MYH13: variants seen among roughly 807,000 people sequenced by gnomAD.
MYH13 encodes the protein myosin heavy chain 13, also known as myosin-13.
A neutral mutation model predicts 232.1 loss-of-function variants in MYH13; 177 were observed. The observed-to-expected ratio is 0.76, with a 90% confidence interval of 0.67 to 0.86. The LOEUF (loss-of-function observed/expected upper bound fraction) is 0.86. Ranked by LOEUF, MYH13 falls within the 40% of genes least tolerant of loss-of-function variation. The pLI, the probability that MYH13 is intolerant of heterozygous loss-of-function variation, is 0.00. For missense variants in MYH13, 2,246 were observed against 2,405.9 expected (o/e 0.93, Z 1.39); for synonymous variants, 884 against 923.5 (o/e 0.96, Z 0.78).
intron 18 of MYH13, among the ~76,000 whole-genome samples, chr17:10,338,068 TA>T (rs1412546931): frequency 2.0e-5 from 3 of 152,080 alleles, no homozygotes; most frequent in African/African-American, 7.2e-5. Context: ...GAAAAAAAAG[TA>T]AGCCAGTGGA....
At chr17:10,343,221 A>G (rs2071633357) in intron 16 of MYH13, among the ~76,000 whole-genome samples, 1 of 150,482 alleles carries the variant, frequency 6.6e-6, no homozygotes, top group Non-Finnish European at 1.5e-5. Flanking sequence ...TTTTTTTAAT[A>G]GAGTCTCACT....
rs754215488 is a variant in MYH13 at position 10,320,482 on chromosome 17, T to C, written c.3126A>G (p.Leu1042=). The change falls in exon 25 of 41, where the codon TTA becomes TTG. Residue 1042 remains leucine (L), a synonymous_variant. Coordinates refer to ENST00000252172, the MANE Select transcript of MYH13 (RefSeq NM_003802.3). The stretch of plus-strand genomic sequence containing the variant: ...CCGCCCGCAGTTTCTTCTCCTGCTC[T>C]AAGGAACCCTCAAGCTGAGAAGACA... The part of the protein sequence containing the change: ...EQQTDDLEGS[L]EQEKKLRADL... 2.3e-5 allele frequency: 37 copies of C among 1,612,922 alleles called. No homozygotes were observed. Among genetic ancestry groups the C allele is most frequent in the Non-Finnish European group, 3.1e-5 (37 of 1,179,526 alleles).
chr17:10,354,369 A>G (rs186100983), intron 11 of MYH13, among the ~76,000 whole-genome samples: 7 of 152,338 alleles, frequency 4.6e-5, no homozygotes, highest in African/African-American at 9.6e-5. Context: ...TTGCAACATG[A>G]AAACTTTCAA....
At chr17:10,346,001 A>AAC (rs1555551472) in intron 13 of MYH13, among the ~76,000 whole-genome samples, 1 of 142,748 alleles carries the variant, frequency 7.0e-6, no homozygotes, top group African/African-American at 2.7e-5. Flanking sequence ...CAAAAAAAAA[A>AAC]AAAAAAAAAA....
intron 39 of MYH13, 124 bp from the exon 40 acceptor site, chr17:10,301,827 G>C: frequency 7.7e-7 from 1 of 1,299,694 alleles, no homozygotes. Context: ...ATGGCAGAGA[G>C]GGCAGGGAAG....
intron 8 of MYH13, among the ~76,000 whole-genome samples, chr17:10,357,226 T>G (rs2071756230): frequency 6.6e-6 from 1 of 152,120 alleles, no homozygotes; most frequent in Non-Finnish European, 1.5e-5. Flanking sequence ...CCTCCCAAAG[T>G]GCTGGGATTA....
chr17:10,315,630 C>G, intron 29 of MYH13, 63 bp downstream of exon 29: 1 of 1,424,096 alleles, frequency 7.0e-7, no homozygotes, highest in Non-Finnish European at 9.7e-7. Context: ...CTCTGACCAG[C>G]TTCACGGGTG....
At chr17:10,312,164 A>C (rs575641668) in intron 31 of MYH13, 88 bp from the exon 32 acceptor site, 6 of 1,450,314 alleles carry the variant, frequency 4.1e-6, no homozygotes, top group Non-Finnish European at 5.7e-6. Flanking sequence ...AGTAACACCA[A>C]CGTTTTGCCC....
At position 10,304,620 on chromosome 17, in the gene MYH13, C is replaced by T. The variant is rs1906214989; in HGVS notation, c.5467-1122G>A. On this transcript the variant is annotated intron_variant, in intron 37 of 40. Transcript: ENST00000252172. This position sits in a 1 kb window ranked among gnomAD's most constrained non-coding sequence, Gnocchi z 5.3. The stretch of plus-strand genomic sequence containing the variant: ...ACCTGGGCCAGGAGTAGTCAAAGCA[C>T]TCTCCAGGCCCACTTGATAGACCCA... 1.3e-5 allele frequency among the ~76,000 whole-genome samples: 2 copies of T among 152,224 alleles called. No individual in the cohort carries two copies. The highest frequency in any genetic ancestry group is 2.9e-5 in the Non-Finnish European group (2 of 68,042).
chr17:10,337,508 A>G (rs948390006), intron 18 of MYH13, among the ~76,000 whole-genome samples: 6 of 152,144 alleles, frequency 3.9e-5, no homozygotes. Flanking sequence ...GGGACTTGAG[A>G]TTTGATCATG....
Position 10,350,714 on chromosome 17 carries a change from A to C in MYH13, c.1006-20T>G. 6.2e-7 allele frequency: 1 copy of C among 1,613,448 alleles called. No homozygotes were observed. The highest frequency in any genetic ancestry group is 2.2e-5 in the East Asian group (1 of 44,824). On this transcript the variant is annotated intron_variant, in intron 11 of 40. Coordinates refer to ENST00000252172, the MANE Select transcript of MYH13 (RefSeq NM_003802.3). ...GGCATTCTGGAAAGAAAAAAAGGACAACTGTCATAGCAGGAATCAGGGATC... is the reference window on the plus strand; with the variant it reads ...GGCATTCTGGAAAGAAAAAAAGGACCACTGTCATAGCAGGAATCAGGGATC...
In MYH13 at chr17:10,327,969, G is replaced by T; in HGVS notation, c.2588C>A (p.Thr863Asn). 1 of 1,614,044 alleles carries T rather than the reference G, an allele frequency of 6.2e-7. No homozygotes were observed. The change falls in exon 22 of 41, where the codon ACC becomes AAC. Residue 863 changes from threonine (T) to asparagine (N), a missense_variant. Thr to Asn is a moderately conservative substitution (Grantham distance 65). Coordinates refer to ENST00000252172, the MANE Select transcript of MYH13 (RefSeq NM_003802.3). ...MATMKEDFER[T>N]KEELARSEAR... ...CTCAGATCGGGCCAGTTCTTCCTTG[G>T]TCCTCTCAAAGTCTTCCTTCATGGT...
chr17:10,314,122 T>C (rs1349319451), intron 29 of MYH13, among the ~76,000 whole-genome samples: 2 of 152,210 alleles, frequency 1.3e-5, no homozygotes, highest in African/African-American at 2.4e-5. Flanking sequence ...ATTTTCATCT[T>C]TTTAAAAATG....
Position 10,365,046 on chromosome 17 carries a change from T to A in MYH13, c.-12-504A>T, listed in dbSNP as rs117857001. ...CACCACCACACCCAGCTATTTTTTT[T>A]ATATTTTTAGTAGAGAGAGGGTTTA... On this transcript the variant is annotated intron_variant, in intron 2 of 40. Transcript: ENST00000252172. 4.3e-3 allele frequency among the ~76,000 whole-genome samples: 659 copies of A among 152,158 alleles called. 11 individuals are homozygous for A. Among genetic ancestry groups the A allele is most frequent in the East Asian group, 0.042 (217 of 5,160 alleles).
chr17:10,306,365 C>A lies in MYH13; in HGVS notation c.5466+94G>T. 2 of 1,530,120 alleles carry A rather than the reference C, an allele frequency of 1.3e-6. No individual in the cohort carries two copies. Among genetic ancestry groups the A allele is most frequent in the Non-Finnish European group, 1.8e-6 (2 of 1,124,726 alleles). The allele number at this position is 1,530,120 out of a possible 1,614,324, so 94.8% of individuals were successfully genotyped here. Reference sequence around the variant, plus strand: ...CCTGAAACTGAATTTGCAATCTATTCATTCAGTGGCCTTTTCCCACCATCT... The same window carrying A: ...CCTGAAACTGAATTTGCAATCTATTAATTCAGTGGCCTTTTCCCACCATCT... On this transcript the variant is annotated intron_variant, in intron 37 of 40. Transcript: ENST00000252172. This position sits in a 1 kb window ranked among gnomAD's most constrained non-coding sequence, Gnocchi z 4.3.
At position 10,318,822 on chromosome 17, in the gene MYH13, C is replaced by A. The variant is rs770715157; in HGVS notation, c.3706G>T (p.Ala1236Ser). The A allele has an allele frequency of 6.2e-7, 1 of 1,614,068 alleles. No homozygotes were observed. The highest frequency in any genetic ancestry group is 8.5e-7 in the Non-Finnish European group (1 of 1,180,006). Reference protein sequence around the residue: ...SELKMEIDDMASNIEALSKSK... With the variant: ...SELKMEIDDMSSNIEALSKSK... Reference sequence around the variant, plus strand: ...TTGGAGAGAGCCTCGATGTTGCTGGCCATGTCGTCAATCTCCATCTTCAGC... The same window carrying A: ...TTGGAGAGAGCCTCGATGTTGCTGGACATGTCGTCAATCTCCATCTTCAGC... Residue 1236 changes from alanine (A) to serine (S), a missense_variant, in exon 27 of 41, where the codon GCC becomes TCC. Physicochemically the swap from Ala to Ser is moderately conservative, Grantham distance 99. Transcript: ENST00000252172.
In MYH13 at chr17:10,320,594, G is replaced by A. The variant is rs1367548365; in HGVS notation, c.3112-98C>T. ...TACACGTGGCCTGGGGCTTCCTGGGGCTCCTGTAGGGTGCTGGCTGCAAGC... is the reference window on the plus strand; with the variant it reads ...TACACGTGGCCTGGGGCTTCCTGGGACTCCTGTAGGGTGCTGGCTGCAAGC... On this transcript the variant is annotated intron_variant, in intron 24 of 40. Coordinates refer to ENST00000252172, the MANE Select transcript of MYH13 (RefSeq NM_003802.3). 5.9e-6 allele frequency: 8 copies of A among 1,355,602 alleles called. No homozygotes were observed. In the East Asian group the frequency reaches 1.7e-4, roughly 30 times the overall value. 84.0% of individuals were successfully genotyped at this position (1,355,602 alleles called of 1,614,324 possible). A position where few individuals can be genotyped will look rare whatever the true frequency, so the allele number is the denominator to read the frequency against.
intron 15 of MYH13, among the ~76,000 whole-genome samples, chr17:10,344,732 G>A (rs1292272664): frequency 1.3e-5 from 2 of 149,708 alleles, no homozygotes; most frequent in Non-Finnish European, 3.0e-5. Context: ...GAGGCAGGAG[G>A]ATCGCTTGAA....
rs1331025837 is a variant in MYH13, at chr17:10,311,105, C to T, written c.4654G>A (p.Glu1552Lys). Residue 1552 changes from glutamate (E) to lysine (K), a missense_variant and splice_region_variant, in exon 33 of 41, where the codon GAG becomes AAG. By Grantham distance (56) the Glu-to-Lys change is moderately conservative (BLOSUM62 1). Coordinates refer to ENST00000252172, the MANE Select transcript of MYH13 (RefSeq NM_003802.3). Reference sequence around the variant, plus strand: ...AATGTCATATCCTAGACACTTACCTCCACTTCTTCTAAGGCGACCTGCAGA... The same window carrying T: ...AATGTCATATCCTAGACACTTACCTTCACTTCTTCTAAGGCGACCTGCAGA... ...SDLQVALEEV[E>K]GSLEHEESKI... The T allele has an allele frequency of 2.2e-5, 36 of 1,613,964 alleles. No homozygotes were observed. Among genetic ancestry groups the T allele is most frequent in the Non-Finnish European group, 3.1e-5 (36 of 1,179,876 alleles).
Sources: gnomAD v4.1 joint callset for allele counts (sites outside exome capture counted in the v4.1 genomes callset) on GRCh38, gnomAD v4.1.1 for gene constraint, Gnocchi (gnomAD v3.1) non-coding constraint, MANE v1.5 for transcripts, NCBI Gene and HGNC (gene_info 2026-07-23, HGNC 2026-07-21) for gene names.